Variants in CDH12 observed in about 807,000 individuals in gnomAD.
CDH12 encodes the protein cadherin-12.
CDH12 carries 41 observed loss-of-function variants against 74.1 expected under a neutral mutation model. The ratio of observed to expected loss-of-function variants is 0.55; its 90% CI spans 0.43 to 0.72. The LOEUF (loss-of-function observed/expected upper bound fraction) is 0.72. Ranked by LOEUF, CDH12 falls within the 30% of genes least tolerant of loss-of-function variation. The pLI is 0.00. For missense variants in CDH12, 945 were observed against 977.2 expected, an observed-to-expected ratio of 0.97 and a Z score of 0.44; for synonymous variants, 399 against 355.0, an observed-to-expected ratio of 1.12 and a Z score of -1.39.
intron 3 of CDH12, among the ~76,000 whole-genome samples, chr5:22,384,308 A>C (rs1741896574): frequency 6.6e-6 from 1 of 151,466 alleles, no homozygotes; most frequent in Admixed American, 6.6e-5. Flanking sequence ...GCGGATCACG[A>C]GGTCAGGAGA....
At chr5:22,274,712 A>C (rs1736548531) in intron 3 of CDH12, among the ~76,000 whole-genome samples, 1 of 152,154 alleles carries the variant, frequency 6.6e-6, no homozygotes, top group African/African-American at 2.4e-5. Context: ...CTATAAACCC[A>C]GTGCAGTAAG....
At chr5:22,323,556 A>G (rs1025182269) in intron 3 of CDH12, among the ~76,000 whole-genome samples, 6 of 152,296 alleles carry the variant, frequency 3.9e-5, no homozygotes, top group African/African-American at 1.2e-4. Flanking sequence ...GTTTAATATC[A>G]CACATGGAAA....
chr5:22,363,266 T>C (rs750523091), intron 3 of CDH12, among the ~76,000 whole-genome samples: 2 of 152,182 alleles, frequency 1.3e-5, no homozygotes, highest in Non-Finnish European at 2.9e-5. Flanking sequence ...CTTAAATTTA[T>C]CATTATGCAA....
At chr5:22,751,142 A>G (rs1745549920) in intron 1 of CDH12, among the ~76,000 whole-genome samples, 1 of 151,852 alleles carries the variant, frequency 6.6e-6, no homozygotes, top group Admixed American at 6.6e-5. Context: ...AGGAAAAATA[A>G]ATGGTTTAAT....
At chr5:21,913,971 A>C (rs2150065912) in intron 6 of CDH12, among the ~76,000 whole-genome samples, 1 of 152,264 alleles carries the variant, frequency 6.6e-6, no homozygotes, top group East Asian at 1.9e-4. Flanking sequence ...GGTGTGACAC[A>C]CCACACCCAG....
intron 6 of CDH12, among the ~76,000 whole-genome samples, chr5:21,900,736 T>C (rs1304237952): frequency 6.6e-6 from 1 of 152,142 alleles, no homozygotes; most frequent in Non-Finnish European, 1.5e-5. Flanking sequence ...CCCACCACAA[T>C]TGCAGCACAA....
intron 4 of CDH12, among the ~76,000 whole-genome samples, chr5:22,086,079 C>T (rs1188669019): frequency 6.6e-6 from 1 of 152,142 alleles, no homozygotes; most frequent in Non-Finnish European, 1.5e-5. Context: ...ATATGACTCT[C>T]TCTCTGGTAT....
chr5:21,856,999 G>A (rs1457088090), intron 6 of CDH12, among the ~76,000 whole-genome samples: 1 of 151,786 alleles, frequency 6.6e-6, no homozygotes, highest in Non-Finnish European at 1.5e-5. Context: ...TAAACACCAC[G>A]ATAGCAGCTT....
chr5:21,795,580 A>G (rs965586093), intron 10 of CDH12, among the ~76,000 whole-genome samples: 16 of 152,010 alleles, frequency 1.1e-4, no homozygotes, highest in Non-Finnish European at 2.2e-4. Flanking sequence ...AATAAATCAC[A>G]TATGTAGCAC....
rs1387828301 is a variant in CDH12 at position 22,732,469 on chromosome 5, TATAC to T, written c.-523+120585_-523+120588del. ...GTGAATGTGTGTGTATATATATATATATACACACACACACACACACACACACACA... is the reference window on the plus strand; with the variant it reads ...GTGAATGTGTGTGTATATATATATATACACACACACACACACACACACACA... On this transcript the variant is annotated intron_variant, in intron 1 of 14. Coordinates refer to ENST00000382254, the MANE Select transcript of CDH12 (RefSeq NM_004061.5). 3.8e-3 allele frequency among the ~76,000 whole-genome samples: 220 copies of T among 58,300 alleles called. 1 individual carries two copies. Among genetic ancestry groups the T allele is most frequent in the African/African-American group, 0.014 (166 of 12,102 alleles). 38.2% of individuals were successfully genotyped at this position (58,300 alleles called of 152,430 possible).
intron 13 of CDH12, among the ~76,000 whole-genome samples, chr5:21,757,266 C>T (rs1490046968): frequency 2.0e-5 from 3 of 152,130 alleles, no homozygotes; most frequent in Non-Finnish European, 4.4e-5. Context: ...ACCTCCGCCT[C>T]CTGGGTTCAA....
At chr5:22,144,096 A>T (rs982809925) in intron 4 of CDH12, 4 of 152,190 alleles carry the variant, frequency 2.6e-5, no homozygotes, top group African/African-American at 9.6e-5. Flanking sequence ...ACTTCTACCA[A>T]AACATAAATC....
intron 6 of CDH12, among the ~76,000 whole-genome samples, chr5:21,956,076 T>C (rs1239374201): frequency 2.0e-5 from 3 of 152,014 alleles, no homozygotes; most frequent in African/African-American, 7.2e-5. Flanking sequence ...AAGCTTAAAC[T>C]AATTGTAGAG....
chr5:22,292,279 C>A (rs1737420696), intron 3 of CDH12, among the ~76,000 whole-genome samples: 1 of 150,194 alleles, frequency 6.7e-6, no homozygotes, highest in African/African-American at 2.5e-5. Context: ...ACCTCTATGA[C>A]AATGACATTG....
At chr5:22,058,701 A>C (rs935461591) in intron 5 of CDH12, among the ~76,000 whole-genome samples, 2 of 150,674 alleles carry the variant, frequency 1.3e-5, no homozygotes, top group Non-Finnish European at 3.0e-5. Context: ...AGAAAGAAAG[A>C]AGAAAGAAAA....
At chr5:21,923,287 C>T (rs1754441647) in intron 6 of CDH12, among the ~76,000 whole-genome samples, 1 of 152,082 alleles carries the variant, frequency 6.6e-6, no homozygotes, top group Non-Finnish European at 1.5e-5. Context: ...GAGAAGCAAT[C>T]TCCAACATTT....
At chr5:21,983,770 T>C (rs1757406985) in intron 5 of CDH12, among the ~76,000 whole-genome samples, 1 of 152,192 alleles carries the variant, frequency 6.6e-6, no homozygotes. Flanking sequence ...TCTTTTGGAC[T>C]ATTGTGTGAA....
Position 22,592,962 on chromosome 5 carries a change from G to A in CDH12, c.-522-87598C>T, listed in dbSNP as rs535213733. Reference sequence around the variant, plus strand: ...GGAGAATCGCTGGAACCCAGGAGGCGGAGGTTGCAATGAGCCGAGATCTCA... The same window carrying A: ...GGAGAATCGCTGGAACCCAGGAGGCAGAGGTTGCAATGAGCCGAGATCTCA... On this transcript the variant is annotated intron_variant, in intron 1 of 14. Transcript: ENST00000382254. 3.4e-5 allele frequency among the ~76,000 whole-genome samples: 5 copies of A among 149,066 alleles called. No homozygotes were observed. In the East Asian group the frequency reaches 5.9e-4, roughly 18 times the overall value.
intron 8 of CDH12, among the ~76,000 whole-genome samples, chr5:21,821,857 G>A (rs548053006): frequency 6.6e-6 from 1 of 151,946 alleles, no homozygotes; most frequent in East Asian, 1.9e-4. Context: ...GTGTGTGAGT[G>A]ATTTACCTTC....
Sources: gnomAD v4.1 joint callset for allele counts (sites outside exome capture counted in the v4.1 genomes callset) on GRCh38, gnomAD v4.1.1 for gene constraint, MANE v1.5 for transcripts, NCBI Gene and HGNC (gene_info 2026-07-23, HGNC 2026-07-21) for gene names.